FAM13C: variants seen among roughly 807,000 people sequenced by gnomAD.
The protein encoded by FAM13C is protein FAM13C.
In FAM13C, 37 loss-of-function variants were observed where a neutral mutation model predicts 73.2. The ratio of observed to expected loss-of-function variants is 0.51; its 90% CI spans 0.39 to 0.67. FAM13C has a LOEUF of 0.67. FAM13C is among the 30% of genes least tolerant of loss of function. FAM13C has a pLI of 0.00. For synonymous variants in FAM13C, 246 were observed against 260.9 expected (o/e 0.94, Z 0.55); for missense variants, 589 against 715.6 (o/e 0.82, Z 2.02).
intron 1 of FAM13C, among the ~76,000 whole-genome samples, chr10:59,360,802 C>T (rs1339833427): frequency 1.4e-5 from 2 of 139,278 alleles, no homozygotes; most frequent in Non-Finnish European, 3.1e-5. Context: ...GGGGAGTGTC[C>T]AAAGACAAGG....
chr10:59,280,307 C>T (rs1056086410), intron 6 of FAM13C, among the ~76,000 whole-genome samples: 1 of 152,170 alleles, frequency 6.6e-6, no homozygotes, highest in Non-Finnish European at 1.5e-5. Context: ...ATTTCCTCTC[C>T]ATCAATTTTT....
intron 3 of FAM13C, 51 bp from the exon 4 acceptor site, chr10:59,324,157 CAT>C (rs1589614763): frequency 7.0e-7 from 1 of 1,423,982 alleles, no homozygotes; most frequent in East Asian, 2.3e-5. Flanking sequence ...CAATCAGTTC[CAT>C]AGCATTATTA....
At chr10:59,249,083 A>T (rs542848181) in intron 13 of FAM13C, among the ~76,000 whole-genome samples, 127 of 152,312 alleles carry the variant, frequency 8.3e-4, no homozygotes, top group African/African-American at 3.0e-3. Context: ...AATTTTCCGT[A>T]GTTTTGCATA....
chr10:59,273,203 C>G (rs748144407), intron 6 of FAM13C, among the ~76,000 whole-genome samples: 1 of 152,148 alleles, frequency 6.6e-6, no homozygotes, highest in East Asian at 1.9e-4. Context: ...AAAACTAATA[C>G]ACATTAAAAC....
chr10:59,333,789 A>G (rs1221635721), intron 3 of FAM13C, among the ~76,000 whole-genome samples: 1 of 152,198 alleles, frequency 6.6e-6, no homozygotes, highest in South Asian at 2.1e-4. Context: ...CAAATTTACC[A>G]TCACAAATAT....
At chr10:59,299,740 C>G (rs1364411321) in intron 5 of FAM13C, among the ~76,000 whole-genome samples, 1 of 152,006 alleles carries the variant, frequency 6.6e-6, no homozygotes, top group African/African-American at 2.4e-5. Flanking sequence ...GAGACACTGA[C>G]AGATCTCAAG....
chr10:59,270,037 G>A lies in FAM13C; in HGVS notation c.665C>T (p.Thr222Ile). The change falls in exon 7 of 14, where the codon ACC becomes ATC. Residue 222 changes from threonine to isoleucine, a missense_variant. By Grantham distance (89) the Thr-to-Ile change is moderately conservative. Transcript: ENST00000618804. The stretch of plus-strand genomic sequence containing the variant: ...AGTGATGTGATAGAGCAGCCTGCTG[G>A]TCCCCACAGAGTGGAGGTCTTCTGG... ...SAPEDLHSVG[T>I]SRLLYHITDG... 8 of 1,613,900 alleles carry A rather than the reference G, an allele frequency of 5.0e-6. No homozygotes were observed. The highest frequency in any genetic ancestry group is 6.8e-6 in the Non-Finnish European group (8 of 1,179,868).
At chr10:59,345,064 A>C (rs1185281555) in intron 3 of FAM13C, among the ~76,000 whole-genome samples, 2 of 152,206 alleles carry the variant, frequency 1.3e-5, no homozygotes, top group Non-Finnish European at 2.9e-5. Context: ...TTATTTAAGT[A>C]TGTAAAAGAT....
At chr10:59,337,902 A>T (rs1343718170) in intron 3 of FAM13C, among the ~76,000 whole-genome samples, 1 of 151,690 alleles carries the variant, frequency 6.6e-6, no homozygotes, top group Non-Finnish European at 1.5e-5. Flanking sequence ...CTGGTCTCGA[A>T]TTCCTGACCT....
At position 59,254,448 on chromosome 10, in the gene FAM13C, A is replaced by G; in HGVS notation, c.1237-5T>C. The stretch of plus-strand genomic sequence containing the variant: ...GTTCTTGTCTTGCTTAGTTACCTGA[A>G]AAACATGAAATTAATTATTATTCCT... On this transcript the variant is annotated splice_region_variant and splice_polypyrimidine_tract_variant and intron_variant, in intron 10 of 13. Coordinates refer to ENST00000618804, the MANE Select transcript of FAM13C (RefSeq NM_198215.4). The G allele has an allele frequency of 6.9e-7, 1 of 1,459,082 alleles. No individual in the cohort carries two copies. The highest frequency in any genetic ancestry group is 9.1e-7 in the Non-Finnish European group (1 of 1,095,098). The allele number at this position is 1,459,082 out of a possible 1,614,324, so 90.4% of individuals were successfully genotyped here.
At chr10:59,278,601 C>T (rs531960323) in intron 6 of FAM13C, among the ~76,000 whole-genome samples, 1 of 152,184 alleles carries the variant, frequency 6.6e-6, no homozygotes, top group African/African-American at 2.4e-5. Flanking sequence ...CAGGAATGTC[C>T]ACCCCCTCAT....
intron 6 of FAM13C, among the ~76,000 whole-genome samples, chr10:59,274,440 T>C (rs995468973): frequency 1.3e-5 from 2 of 152,086 alleles, no homozygotes; most frequent in African/African-American, 4.8e-5. Context: ...AAAGGGACTC[T>C]GCATTGGGGA....
At chr10:59,348,341 C>A (rs916981043) in intron 3 of FAM13C, among the ~76,000 whole-genome samples, 2 of 152,184 alleles carry the variant, frequency 1.3e-5, no homozygotes, top group African/African-American at 4.8e-5. Context: ...ACAAACAGAA[C>A]CACTCTCTCA....
chr10:59,330,825 T>G lies in FAM13C; in HGVS notation c.325-6719A>C, dbSNP rs114697424. ...GAAGGAAAGCAAAAGGCAAATAGTT[T>G]CTGATTATGATCACATTGCTTCACT... On this transcript the variant is annotated intron_variant, in intron 3 of 13. Coordinates refer to ENST00000618804, the MANE Select transcript of FAM13C (RefSeq NM_198215.4). Among the ~76,000 whole-genome samples the G allele has an allele frequency of 9.3e-3, 1,416 of 152,228 alleles. 25 individuals carry two copies. The highest frequency in any genetic ancestry group is 0.033 in the African/African-American group (1,353 of 41,540).
At chr10:59,326,299 T>C (rs1173469169) in intron 3 of FAM13C, among the ~76,000 whole-genome samples, 3 of 152,160 alleles carry the variant, frequency 2.0e-5, no homozygotes, top group Non-Finnish European at 4.4e-5. Context: ...CTGATTCAAA[T>C]GGGGAAAAGA....
intron 13 of FAM13C, among the ~76,000 whole-genome samples, chr10:59,250,086 T>A (rs1460341140): frequency 6.6e-6 from 1 of 152,136 alleles, no homozygotes; most frequent in Non-Finnish European, 1.5e-5. Flanking sequence ...ATGTAATGAC[T>A]GTTTAGATTT....
chr10:59,321,751 C>T (rs919659149), intron 4 of FAM13C, among the ~76,000 whole-genome samples: 2 of 151,968 alleles, frequency 1.3e-5, no homozygotes, highest in East Asian at 3.9e-4. Context: ...GACCTCAATC[C>T]GCTCCAAAAT....
At chr10:59,317,420 T>C (rs959376554) in intron 4 of FAM13C, among the ~76,000 whole-genome samples, 1 of 152,160 alleles carries the variant, frequency 6.6e-6, no homozygotes, top group African/African-American at 2.4e-5. Context: ...TTCCAAGATG[T>C]TCAGATGTTA....
intron 6 of FAM13C, chr10:59,282,781 AC>A (rs1845081622): frequency 6.6e-6 from 1 of 152,162 alleles, no homozygotes; most frequent in Non-Finnish European, 1.5e-5. Context: ...AAAGCCAGAG[AC>A]TAACAGAAAA....
Sources: allele counts gnomAD v4.1 joint callset (sites outside exome capture counted in the v4.1 genomes callset), GRCh38; gene constraint gnomAD v4.1.1; transcripts MANE v1.5; gene names NCBI Gene and HGNC (gene_info 2026-07-23, HGNC 2026-07-21).